C2orf74: variants seen among roughly 807,000 people sequenced by gnomAD.
C2orf74 encodes uncharacterized protein C2orf74.
C2orf74 carries 14 observed loss-of-function variants against 17.9 expected under a neutral mutation model. That is an observed-to-expected ratio of 0.78 (90% CI 0.52 to 1.22). The LOEUF is 1.22. Ranked by LOEUF, C2orf74 falls within the 50% of genes most tolerant of loss-of-function variation. The pLI, the probability that C2orf74 is intolerant of heterozygous loss-of-function variation, is 0.00. For synonymous variants in C2orf74, 79 were observed against 72.6 expected (o/e 1.09, Z -0.44); for missense variants, 217 against 218.4 (o/e 0.99, Z 0.04).
At chr2:61,158,506 G>T (rs993429931), upstream of C2orf74, among the ~76,000 whole-genome samples, 9 of 152,162 alleles carry the variant, frequency 5.9e-5, no homozygotes, top group Non-Finnish European at 8.8e-5. Flanking sequence ...AAACACCAGG[G>T]GTTCTGTCTA....
intron 1 of C2orf74, among the ~76,000 whole-genome samples, chr2:61,150,792 G>A (rs1685202519): frequency 6.6e-6 from 1 of 152,170 alleles, no homozygotes; most frequent in South Asian, 2.1e-4. Context: ...GCAAGGGAGG[G>A]CAAGCTAAAC....
At chr2:61,153,044 C>T (rs527501528) in intron 1 of C2orf74, among the ~76,000 whole-genome samples, 179 of 146,508 alleles carry the variant, frequency 1.2e-3, no homozygotes, top group African/African-American at 4.3e-3. Context: ...CCCAGCTACT[C>T]GGGAGGCTGA....
chr2:61,164,085 G>A (rs1685656489), intron 4 of C2orf74, among the ~76,000 whole-genome samples: 1 of 152,224 alleles, frequency 6.6e-6, no homozygotes, highest in Non-Finnish European at 1.5e-5. Flanking sequence ...CCCGGTTGAC[G>A]ACAGAATGAT....
In C2orf74 at chr2:61,149,528, G is replaced by A. The variant is rs144403926; in HGVS notation, c.-122+4332G>A. On this transcript the variant is annotated intron_variant, in intron 1 of 3. Coordinates refer to the C2orf74 transcript ENST00000426997. The stretch of plus-strand genomic sequence containing the variant: ...GTGTGCAACTGAAAATAGGGACGCT[G>A]TGGACTTTCTGGGCCAAGTTCCCCG... Among the ~76,000 whole-genome samples the A allele has an allele frequency of 1.2e-4, 18 of 150,930 alleles. No homozygotes were observed. In the East Asian group the frequency reaches 3.3e-3, roughly 28 times the overall value.
At chr2:61,157,786 A>G, upstream of C2orf74, 2 of 438,710 alleles carry the variant, frequency 4.6e-6, no homozygotes, top group South Asian at 3.4e-5. Flanking sequence ...CTAGTTTCCA[A>G]ATTCAGGCAG....
intron 1 of C2orf74, among the ~76,000 whole-genome samples, chr2:61,155,644 C>T (rs1268775586): frequency 2.0e-5 from 3 of 151,962 alleles, no homozygotes; most frequent in African/African-American, 4.8e-5. Context: ...ACTCAGCCTC[C>T]CGAGTAGCTG....
chr2:61,163,316 T>C, intron 4 of C2orf74, 84 bp downstream of exon 4: 1 of 1,409,428 alleles, frequency 7.1e-7, no homozygotes, highest in Admixed American at 2.4e-5. Context: ...GGTATAATAA[T>C]AGGAGATGGA....
intron 1 of C2orf74, among the ~76,000 whole-genome samples, chr2:61,145,654 C>T (rs1559171780): frequency 6.6e-6 from 1 of 152,142 alleles, no homozygotes; most frequent in Non-Finnish European, 1.5e-5. Flanking sequence ...AACTCCTGAC[C>T]TCAGGTTATC....
chr2:61,162,161 G>GTA, upstream of C2orf74: 13 of 241,088 alleles, frequency 5.4e-5, no homozygotes, highest in South Asian at 3.3e-4. Flanking sequence ...AGAAGAATGG[G>GTA]GAGCTGGGCT....
At chr2:61,160,349 T>TGGG (rs1337128433), upstream of C2orf74, among the ~76,000 whole-genome samples, 3 of 151,932 alleles carry the variant, frequency 2.0e-5, no homozygotes, top group Admixed American at 2.0e-4. Flanking sequence ...TTAGTAGAGA[T>TGGG]GGGGTTTCAC....
chr2:61,150,634 G>C (rs562442719), intron 1 of C2orf74, among the ~76,000 whole-genome samples: 1 of 152,168 alleles, frequency 6.6e-6, no homozygotes, highest in Non-Finnish European at 1.5e-5. Context: ...AAACAAAGCT[G>C]ACTGTCCTCA....
At chr2:61,153,129 CAA>C (rs1205348647) in intron 1 of C2orf74, among the ~76,000 whole-genome samples, 1 of 88,894 alleles carries the variant, frequency 1.1e-5, no homozygotes, top group Non-Finnish European at 2.1e-5. Flanking sequence ...TCCTGGGCAA[CAA>C]GAGCAAAACT....
At chr2:61,159,434 T>A, upstream of C2orf74, 1 of 230,278 alleles carries the variant, frequency 4.3e-6, no homozygotes, top group Non-Finnish European at 8.9e-6. Flanking sequence ...GTAGCTGGGA[T>A]TACAGGTATG....
At chr2:61,159,738 A>G (rs1685507242), upstream of C2orf74, among the ~76,000 whole-genome samples, 1 of 152,264 alleles carries the variant, frequency 6.6e-6, no homozygotes, top group Admixed American at 6.5e-5. Flanking sequence ...TGGTTTTGCA[A>G]TGCCTGCTGT....
chr2:61,157,252 G>C (rs1260496957), upstream of C2orf74, among the ~76,000 whole-genome samples: 1 of 152,130 alleles, frequency 6.6e-6, no homozygotes, highest in Non-Finnish European at 1.5e-5. Context: ...TGTTGGCCAG[G>C]CTGGTCTCGA....
At chr2:61,157,003 T>G (rs1204234144) in intron 1 of C2orf74, among the ~76,000 whole-genome samples, 6 of 152,216 alleles carry the variant, frequency 3.9e-5, no homozygotes, top group Admixed American at 3.9e-4. Flanking sequence ...TAGCACCAGT[T>G]GACCAGATCC....
chr2:61,161,410 C>G (rs955209000), upstream of C2orf74, among the ~76,000 whole-genome samples: 46 of 151,270 alleles, frequency 3.0e-4, no homozygotes, highest in Non-Finnish European at 5.8e-4. Context: ...ACTTCTATTT[C>G]TCATTTGTTG....
chr2:61,163,325 G>C, intron 4 of C2orf74, 93 bp downstream of exon 4: 1 of 1,369,860 alleles, frequency 7.3e-7, no homozygotes, highest in Non-Finnish European at 9.8e-7. Context: ...ATAGGAGATG[G>C]AGGACCGGGC....
intron 1 of C2orf74, among the ~76,000 whole-genome samples, chr2:61,151,056 G>A (rs1220894511): frequency 6.6e-6 from 1 of 152,038 alleles, no homozygotes; most frequent in Non-Finnish European, 1.5e-5. Context: ...AGTGGCTCAC[G>A]CCTGTAATCC....
Sources: gnomAD v4.1 joint callset for allele counts (sites outside exome capture counted in the v4.1 genomes callset) on GRCh38, gnomAD v4.1.1 for gene constraint, MANE v1.5 for transcripts, NCBI Gene and HGNC (gene_info 2026-07-23, HGNC 2026-07-21) for gene names.